RAB2B: variants seen among roughly 807,000 people sequenced by gnomAD.
The protein encoded by RAB2B is RAB2B, member RAS oncogene family.
Under a neutral mutation model 29.8 loss-of-function variants are expected in RAB2B, and 20 were observed. The observed-to-expected ratio is 0.67, with a 90% confidence interval of 0.47 to 0.97. The LOEUF (loss-of-function observed/expected upper bound fraction) is 0.97, where lower values mean the gene tolerates loss of function less well. RAB2B is among the 50% of genes least tolerant of loss of function. The pLI is 0.00. For synonymous variants in RAB2B, 93 were observed against 91.7 expected, an observed-to-expected ratio of 1.01 and a Z score of -0.08; for missense variants, 218 against 272.0, an observed-to-expected ratio of 0.80 and a Z score of 1.40.
rs369155570 is a variant in RAB2B at position 21,476,886 on chromosome 14, C to T, written c.-14G>A. 3.2e-5 allele frequency: 52 copies of T among 1,613,288 alleles called. No homozygotes were observed. The highest frequency in any genetic ancestry group is 1.7e-4 in the Middle Eastern group (1 of 5,738). ...AGCATAAGTCATGGTGTCGCGTCCT[C>T]TGGGTTCCGGGTCCGCCCGACTTCT... On this transcript the variant is annotated 5_prime_UTR_variant, in exon 1 of 8. Coordinates refer to ENST00000397762, the MANE Select transcript of RAB2B (RefSeq NM_032846.4).
chr14:21,470,711 G>C (rs796775455), intron 3 of RAB2B, among the ~76,000 whole-genome samples: 5 of 152,124 alleles, frequency 3.3e-5, no homozygotes, highest in African/African-American at 1.2e-4. Flanking sequence ...TGCTATGGTT[G>C]TAAGCCTCCC....
At chr14:21,476,495 A>G in intron 2 of RAB2B, 33 bp downstream of exon 2, 1 of 1,612,758 alleles carries the variant, frequency 6.2e-7, no homozygotes, top group Non-Finnish European at 8.5e-7. Context: ...GTCAGGTTTT[A>G]TCATCTGTTC....
Position 21,476,817 on chromosome 14 carries a change from T to C in RAB2B, c.46+10A>G, listed in dbSNP as rs1233629047. ...GCCCGAGCCTTGAAGGCGAACCACC[T>C]GAGGGTTACCTGTGTCTCCGATGAT... On this transcript the variant is annotated intron_variant, in intron 1 of 7. Transcript: ENST00000397762. 1.9e-6 allele frequency: 3 copies of C among 1,596,214 alleles called. No homozygotes were observed. The highest frequency in any genetic ancestry group is 1.7e-4 in the Middle Eastern group (1 of 5,928).
chr14:21,464,313 T>C (rs1431408714), intron 5 of RAB2B, among the ~76,000 whole-genome samples: 1 of 152,120 alleles, frequency 6.6e-6, no homozygotes, highest in East Asian at 1.9e-4. Flanking sequence ...GGCAAGAGAA[T>C]TGCTTGAACA....
chr14:21,468,488 T>C (rs750246275), intron 4 of RAB2B, 39 bp from the exon 5 acceptor site: 4 of 1,583,810 alleles, frequency 2.5e-6, no homozygotes, highest in Non-Finnish European at 3.5e-6. Flanking sequence ...CAGAGACACA[T>C]TTCAAAAGGC....
chr14:21,475,705 G>A (rs1041709347), intron 2 of RAB2B, among the ~76,000 whole-genome samples: 3 of 152,080 alleles, frequency 2.0e-5, no homozygotes, highest in Non-Finnish European at 2.9e-5. Flanking sequence ...GTGAGAATTC[G>A]CTCAATATTC....
At position 21,463,748 on chromosome 14, in the gene RAB2B, C is replaced by G. The variant is rs570510184; in HGVS notation, c.382G>C (p.Asp128His). ...GNKSDLESRR[D>H]VKREEGEAFA... Reference sequence around the variant, plus strand: ...GCCTCTCCTTCTTCTCTCTTCACATCCCTGCGGGACTCTAGGTCACTGCAA... The same window carrying G: ...GCCTCTCCTTCTTCTCTCTTCACATGCCTGCGGGACTCTAGGTCACTGCAA... The change falls in exon 6 of 8, where the codon GAT (aspartate) becomes CAT (histidine). Residue 128 changes from aspartate (D) to histidine (H), a missense_variant. Asp to His is a moderately conservative substitution (Grantham distance 81). Coordinates refer to ENST00000397762, the MANE Select transcript of RAB2B (RefSeq NM_032846.4). 6.2e-7 allele frequency: 1 copy of G among 1,611,856 alleles called. No individual in the cohort carries two copies. Among genetic ancestry groups the G allele is most frequent in the South Asian group, 1.1e-5 (1 of 91,026 alleles).
chr14:21,468,718 GA>G lies in RAB2B; in HGVS notation c.220del (p.Ser74ProfsTer24), dbSNP rs1392882300. 1.3e-6 allele frequency: 2 copies of G among 1,571,598 alleles called. No homozygotes were observed. Among genetic ancestry groups the G allele is most frequent in the Non-Finnish European group, 1.7e-6 (2 of 1,160,918 alleles). On this transcript the variant is annotated frameshift_variant, in exon 4 of 8. Transcript: ENST00000397762. LOFTEE classifies it high-confidence loss of function. ...GQESFRSITR[S>X]YYRGAAGALL... is the part of the protein sequence containing the mutation. ...TGCTCCAGCTGCTCCCCTGTAGTAG[GA>G]ACGGGTGATAGAACGGAAGGATTCT...
rs1196044488 is a variant in RAB2B, at chr14:21,460,992, A to G, written c.*204T>C. The G allele has an allele frequency of 2.4e-6, 1 of 419,092 alleles. No individual in the cohort carries two copies. The highest frequency in any genetic ancestry group is 4.2e-5 in the Admixed American group (1 of 23,918). The allele number at this position is 419,092 out of a possible 1,614,324, so 26.0% of individuals were successfully genotyped here. On this transcript the variant is annotated 3_prime_UTR_variant, in exon 8 of 8. Transcript: ENST00000397762. ...AAATTTGTATAGGAGGATAAGAAGA[A>G]CCCTAATCTATAGGGAATGCTCATG...
chr14:21,474,217 C>G (rs1314415664), intron 3 of RAB2B, among the ~76,000 whole-genome samples: 1 of 152,008 alleles, frequency 6.6e-6, no homozygotes, highest in East Asian at 1.9e-4. Flanking sequence ...CAGTGAAATT[C>G]TGCAATACTT....
In RAB2B at chr14:21,474,907, T is replaced by G. The variant is rs767487211; in HGVS notation, c.146A>C (p.Asn49Thr). The G allele has an allele frequency of 6.2e-7, 1 of 1,614,026 alleles. No homozygotes were observed. ...CAGTTTGATTTGTTTTCCATCAATGTTGACCATACGAGCTCCAAACTCCAC... is the reference window on the plus strand; with the variant it reads ...CAGTTTGATTTGTTTTCCATCAATGGTGACCATACGAGCTCCAAACTCCAC... ...IGVEFGARMV[N>T]IDGKQIKLQI... The change falls in exon 3 of 8, where the codon AAC (asparagine) becomes ACC (threonine). Residue 49 changes from asparagine to threonine, a missense_variant. By Grantham distance (65) the Asn-to-Thr change is moderately conservative (BLOSUM62 0). Coordinates refer to ENST00000397762, the MANE Select transcript of RAB2B (RefSeq NM_032846.4).
At chr14:21,473,369 G>C (rs909107391) in intron 3 of RAB2B, among the ~76,000 whole-genome samples, 1 of 152,072 alleles carries the variant, frequency 6.6e-6, no homozygotes, top group Non-Finnish European at 1.5e-5. Flanking sequence ...GGAGACTAAG[G>C]TATTATTTTA....
chr14:21,466,778 C>A (rs1172567345), intron 5 of RAB2B, among the ~76,000 whole-genome samples: 1 of 152,116 alleles, frequency 6.6e-6, no homozygotes, highest in African/African-American at 2.4e-5. Flanking sequence ...AAGCACTACA[C>A]AAAAATCAAT....
chr14:21,464,594 C>G (rs892401582), intron 5 of RAB2B, among the ~76,000 whole-genome samples: 1 of 151,850 alleles, frequency 6.6e-6, no homozygotes, highest in African/African-American at 2.4e-5. Context: ...AAGCAGCTTG[C>G]CACCAGGGAA....
rs767288830 is a variant in RAB2B, at chr14:21,459,666, T to A, written c.*1530A>T. On this transcript the variant is annotated 3_prime_UTR_variant, in exon 8 of 8. Transcript: ENST00000397762. Reference sequence around the variant, plus strand: ...ATATACATATAAATAGACATATGAATAACCAACATATGAAAACTAAGGAAT... The same window carrying A: ...ATATACATATAAATAGACATATGAAAAACCAACATATGAAAACTAAGGAAT... 2.0e-5 allele frequency: 3 copies of A among 152,678 alleles called. No homozygotes were observed. Among genetic ancestry groups the A allele is most frequent in the Non-Finnish European group, 4.4e-5 (3 of 68,278 alleles). 9.5% of individuals were successfully genotyped at this position (152,678 alleles called of 1,614,324 possible).
rs1594420336 is a variant in RAB2B, at chr14:21,476,954, A to C, written c.-82T>G. ...ACCTCTCTAGCCACTCAATCTACCG[A>C]TCTTCTTCTTCTCCCCCTTCCCCCC... On this transcript the variant is annotated 5_prime_UTR_variant, in exon 1 of 8. Transcript: ENST00000397762. The C allele has an allele frequency of 2.7e-6, 4 of 1,468,116 alleles. No homozygotes were observed. The East Asian group carries it at 6.8e-5, about 25-fold the overall frequency. 90.9% of individuals were successfully genotyped at this position (1,468,116 alleles called of 1,614,324 possible). A position where few individuals can be genotyped will look rare whatever the true frequency, so the allele number is the denominator to read the frequency against.
Position 21,468,668 on chromosome 14 carries a change from AC to A in RAB2B, c.269+1del. ...CCCTCCCATGCACCAGATCTGGCTC[AC>A]CTTGTAATGTCGTACACCAGCAGTG... On this transcript the variant is annotated splice_donor_variant, in intron 4 of 7. Transcript: ENST00000397762. LOFTEE classifies it high-confidence loss of function. The A allele has an allele frequency of 6.4e-7, 1 of 1,555,694 alleles. No individual in the cohort carries two copies. The highest frequency in any genetic ancestry group is 8.7e-7 in the Non-Finnish European group (1 of 1,155,814).
In RAB2B at chr14:21,472,791, C is replaced by T. The variant is rs143829536; in HGVS notation, c.186+2076G>A. ...ATCAAGCTCTCAACTTTCTTACTTT[C>T]ATGATCCAACCATGTCCCATATGAG... On this transcript the variant is annotated intron_variant, in intron 3 of 7. Transcript: ENST00000397762. 5.8e-3 allele frequency among the ~76,000 whole-genome samples: 871 copies of T among 150,952 alleles called. 8 individuals carry two copies. Among genetic ancestry groups the T allele is most frequent in the African/African-American group, 0.02 (830 of 41,060 alleles).
Position 21,461,306 on chromosome 14 carries a change from G to T in RAB2B, c.544-3C>A. The T allele has an allele frequency of 6.2e-7, 1 of 1,607,390 alleles. No homozygotes were observed. The highest frequency in any genetic ancestry group is 8.5e-7 in the Non-Finnish European group (1 of 1,175,244). ...GGCCCAATCTTGATGCCATTTGCCT[G>T]TAAAAGAAAAGAGGCAATAGTTCCC... On this transcript the variant is annotated splice_polypyrimidine_tract_variant and splice_region_variant and intron_variant, in intron 7 of 7. Coordinates refer to ENST00000397762, the MANE Select transcript of RAB2B (RefSeq NM_032846.4).
Sources: allele counts gnomAD v4.1 joint callset (sites outside exome capture counted in the v4.1 genomes callset), GRCh38; gene constraint gnomAD v4.1.1; transcripts MANE v1.5; gene names NCBI Gene and HGNC (gene_info 2026-07-23, HGNC 2026-07-21).